The following GRM5 variants were observed in gnomAD, a reference collection of about 807,000 sequenced individuals.
GRM5 encodes the protein glutamate metabotropic receptor 5.
A neutral mutation model predicts 83.1 loss-of-function variants in GRM5; 19 were observed. That is an observed-to-expected ratio of 0.23 (90% CI 0.16 to 0.34). The LOEUF is 0.34. Ranked by LOEUF, GRM5 falls within the 10% of genes least tolerant of loss-of-function variation. The pLI is 1.00. For missense variants in GRM5, 1,160 were observed against 1,588.3 expected (o/e 0.73, Z 4.58); for synonymous variants, 675 against 633.6 (o/e 1.07, Z -0.98).
At chr11:88,653,446 C>T in intron 3 of GRM5, 43 bp from the exon 4 acceptor site, 1 of 1,341,028 alleles carries the variant, frequency 7.5e-7, no homozygotes, top group Non-Finnish European at 1.1e-6. Flanking sequence ...ACAGATATCT[C>T]CTAAGCAAAT....
intron 2 of GRM5, among the ~76,000 whole-genome samples, chr11:89,039,894 G>T (rs1383533741): frequency 6.6e-6 from 1 of 152,144 alleles, no homozygotes; most frequent in African/African-American, 2.4e-5. Context: ...TCAACCTCTT[G>T]TCCTCAAGTG....
chr11:88,639,989 C>A (rs1591402160), intron 4 of GRM5, among the ~76,000 whole-genome samples: 1 of 152,166 alleles, frequency 6.6e-6, no homozygotes, highest in East Asian at 1.9e-4. Flanking sequence ...ATTTCTTAAA[C>A]TCTGGAATTT....
chr11:89,004,365 T>A (rs911182906), intron 2 of GRM5, among the ~76,000 whole-genome samples: 32 of 152,194 alleles, frequency 2.1e-4, no homozygotes, highest in Non-Finnish European at 4.0e-4. Context: ...AATATTGACA[T>A]TTATATGCTG....
chr11:88,899,493 G>A (rs1345735815), intron 2 of GRM5, among the ~76,000 whole-genome samples: 1 of 151,942 alleles, frequency 6.6e-6, no homozygotes, highest in East Asian at 1.9e-4. Context: ...GGAAAGAACT[G>A]AGAACAGTAA....
At chr11:88,909,103 ACAGGCAATGCCC>A (rs1945451768) in intron 2 of GRM5, among the ~76,000 whole-genome samples, 1 of 152,166 alleles carries the variant, frequency 6.6e-6, no homozygotes, top group Non-Finnish European at 1.5e-5. Context: ...ATTGGCAGTT[ACAGGCAATGCCC>A]CAACTAAAAT....
At chr11:88,611,083 A>G (rs1565360253) in intron 4 of GRM5, among the ~76,000 whole-genome samples, 1 of 152,162 alleles carries the variant, frequency 6.6e-6, no homozygotes, top group East Asian at 1.9e-4. Context: ...ATGGTGGTTA[A>G]TTAACATTTT....
At chr11:88,860,856 T>C (rs575937092) in intron 2 of GRM5, among the ~76,000 whole-genome samples, 1 of 152,286 alleles carries the variant, frequency 6.6e-6, no homozygotes, top group African/African-American at 2.4e-5. Flanking sequence ...TGTTCAGGCA[T>C]TAGAGCCTTG....
At chr11:88,802,451 T>G (rs1238003554) in intron 3 of GRM5, among the ~76,000 whole-genome samples, 1 of 150,444 alleles carries the variant, frequency 6.6e-6, no homozygotes, top group African/African-American at 2.5e-5. Flanking sequence ...AGAAAGTCAA[T>G]AGATGCAGAA....
intron 4 of GRM5, among the ~76,000 whole-genome samples, chr11:88,623,232 C>T (rs2135259553): frequency 6.6e-6 from 1 of 152,108 alleles, no homozygotes; most frequent in Non-Finnish European, 1.5e-5. Context: ...ATTATAGCTG[C>T]CCACCACCAT....
intron 7 of GRM5, among the ~76,000 whole-genome samples, chr11:88,575,921 TA>T (rs1199555670): frequency 6.6e-6 from 1 of 152,322 alleles, no homozygotes; most frequent in South Asian, 2.1e-4. Context: ...TTGTTTTTTT[TA>T]ATTGGTTATA....
chr11:88,902,495 A>G (rs1246799051), intron 2 of GRM5, among the ~76,000 whole-genome samples: 2 of 152,184 alleles, frequency 1.3e-5, no homozygotes, highest in African/African-American at 4.8e-5. Context: ...GAAGAGTAAG[A>G]AAATGAATGT....
chr11:88,606,308 A>G (rs1163366952), intron 4 of GRM5, among the ~76,000 whole-genome samples: 1 of 152,184 alleles, frequency 6.6e-6, no homozygotes, highest in African/African-American at 2.4e-5. Context: ...GGATCACCTG[A>G]GGTCAAGAGT....
At chr11:88,991,235 T>A (rs1418650912) in intron 2 of GRM5, among the ~76,000 whole-genome samples, 6 of 151,496 alleles carry the variant, frequency 4.0e-5, no homozygotes, top group Admixed American at 3.9e-4. Context: ...AAACAGAGAG[T>A]CAAATCATGA....
chr11:88,505,371 G>A lies in GRM5; in HGVS notation c.*3221C>T, dbSNP rs1941158092. The stretch of plus-strand genomic sequence containing the variant: ...AAAAGAGCATTTAATTCCTGGCTTG[G>A]AAGTCACAGAACTGCAGCAGAGCTA... On this transcript the variant is annotated 3_prime_UTR_variant, in exon 10 of 10. Coordinates refer to ENST00000305447, the MANE Select transcript of GRM5 (RefSeq NM_001143831.3). The A allele has an allele frequency of 1.3e-5, 2 of 152,216 alleles. No homozygotes were observed. The highest frequency in any genetic ancestry group is 6.5e-5 in the Admixed American group (1 of 15,284). The allele number at this position is 152,216 out of a possible 1,614,324, so 9.4% of individuals were successfully genotyped here.
intron 3 of GRM5, among the ~76,000 whole-genome samples, chr11:88,731,043 G>A (rs1941796942): frequency 6.6e-6 from 1 of 151,882 alleles, no homozygotes; most frequent in African/African-American, 2.4e-5. Context: ...TTACCATTCT[G>A]GATAGTAGTT....
At chr11:88,776,038 G>A (rs979773075) in intron 3 of GRM5, among the ~76,000 whole-genome samples, 1 of 151,988 alleles carries the variant, frequency 6.6e-6, no homozygotes, top group Non-Finnish European at 1.5e-5. Flanking sequence ...TTGACAGTGG[G>A]GTGTTAAAGT....
chr11:88,857,334 AAAAAT>A (rs1292129630), intron 2 of GRM5, among the ~76,000 whole-genome samples: 1 of 152,102 alleles, frequency 6.6e-6, no homozygotes, highest in African/African-American at 2.4e-5. Flanking sequence ...CAAAAAAATA[AAAAAT>A]AAAACTCAGT....
intron 8 of GRM5, among the ~76,000 whole-genome samples, chr11:88,563,233 G>A (rs563354775): frequency 7.2e-4 from 110 of 152,228 alleles, no homozygotes; most frequent in African/African-American, 2.5e-3. Flanking sequence ...TGAGAAAACA[G>A]ACTAAAGTGC....
intron 3 of GRM5, among the ~76,000 whole-genome samples, chr11:88,844,444 T>C (rs1158585822): frequency 6.6e-6 from 1 of 152,056 alleles, no homozygotes; most frequent in African/African-American, 2.4e-5. Context: ...ATTGACAATG[T>C]GCCCGGCCAG....
Sources: gnomAD v4.1 joint callset for allele counts (sites outside exome capture counted in the v4.1 genomes callset) on GRCh38, gnomAD v4.1.1 for gene constraint, MANE v1.5 for transcripts, NCBI Gene and HGNC (gene_info 2026-07-23, HGNC 2026-07-21) for gene names.